The following PM20D1 variants were observed in gnomAD, a reference collection of about 807,000 sequenced individuals.
The protein encoded by PM20D1 is peptidase M20 domain containing 1.
In PM20D1, 53 loss-of-function variants were observed where a neutral mutation model predicts 53.8. The ratio of observed to expected loss-of-function variants is 0.98; its 90% CI spans 0.79 to 1.24. PM20D1 has a LOEUF of 1.24. Among genes scored for constraint, PM20D1 ranks in the 50% most tolerant of loss-of-function variants. The probability of loss-of-function intolerance (pLI) is 0.00; values close to 1 mark genes in which losing one functional copy is unlikely to be tolerated. For missense variants in PM20D1, 564 were observed against 616.8 expected (o/e 0.91, Z 0.91); for synonymous variants, 239 against 241.3 (o/e 0.99, Z 0.09).
chr1:205,842,772 T>C (rs769520646), intron 6 of PM20D1, 21 bp from the exon 7 acceptor site: 1 of 1,612,572 alleles, frequency 6.2e-7, no homozygotes, highest in Non-Finnish European at 8.5e-7. Context: ...AACAGAGTCC[T>C]CAAGACTTAG....
At chr1:205,846,563 G>A (rs1656990051) in intron 2 of PM20D1, among the ~76,000 whole-genome samples, 1 of 152,010 alleles carries the variant, frequency 6.6e-6, no homozygotes, top group Admixed American at 6.6e-5. Context: ...AAATTAGTAG[G>A]CCTCATTAAC....
At chr1:205,841,605 C>T (rs1656809655) in intron 9 of PM20D1, among the ~76,000 whole-genome samples, 1 of 152,076 alleles carries the variant, frequency 6.6e-6, no homozygotes. Flanking sequence ...TGAATGGTGC[C>T]CCCTGAAGTT....
chr1:205,843,704 C>T lies in PM20D1; in HGVS notation c.790G>A (p.Glu264Lys), dbSNP rs1322023329. The T allele has an allele frequency of 1.2e-6, 2 of 1,614,032 alleles. No individual in the cohort carries two copies. The highest frequency in any genetic ancestry group is 1.7e-5 in the Admixed American group (1 of 60,002). Residue 264 changes from glutamate (E) to lysine (K), a missense_variant, in exon 6 of 13, where the codon GAG becomes AAG. Physicochemically the swap from Glu to Lys is moderately conservative, Grantham distance 56. Transcript: ENST00000367136. Reference sequence around the variant, plus strand: ...GCTGCAAGGATGCCAATGCTTGTCTCCTTTGGAGGAGCTGAAGAGTGGCCT... The same window carrying T: ...GCTGCAAGGATGCCAATGCTTGTCTTCTTTGGAGGAGCTGAAGAGTGGCCT... ...TSGHSSAPPK[E>K]TSIGILAAAV...
intron 11 of PM20D1, among the ~76,000 whole-genome samples, chr1:205,832,253 A>G (rs1656577210): frequency 6.6e-6 from 1 of 152,134 alleles, no homozygotes; most frequent in African/African-American, 2.4e-5. Flanking sequence ...CTGAGCTGTT[A>G]TCCTAGAATG....
intron 10 of PM20D1, among the ~76,000 whole-genome samples, chr1:205,837,205 T>C (rs182305443): frequency 4.3e-4 from 65 of 152,336 alleles, no homozygotes; most frequent in South Asian, 1.2e-3. Flanking sequence ...TAGTCCACAG[T>C]AGCTACCAAT....
In PM20D1 at chr1:205,844,109, T is replaced by A. The variant is rs370448107; in HGVS notation, c.685A>T (p.Asn229Tyr). Residue 229 changes from asparagine (N) to tyrosine (Y), a missense_variant, in exon 5 of 13, where the codon AAC (asparagine) becomes TAC (tyrosine). By Grantham distance (143) the Asn-to-Tyr change is moderately radical. Transcript: ENST00000367136. ...GGFILDDFIP[N>Y]FKKPIALIAV... Reference sequence around the variant, plus strand: ...CACAAGGCGATGGGCTTCTTGAAGTTAGGAATGAAATCATCCAAGATGAAG... The same window carrying A: ...CACAAGGCGATGGGCTTCTTGAAGTAAGGAATGAAATCATCCAAGATGAAG... 7 of 1,613,146 alleles carry A rather than the reference T, an allele frequency of 4.3e-6. No individual in the cohort carries two copies. Among genetic ancestry groups the A allele is most frequent in the African/African-American group, 4.0e-5 (3 of 74,886 alleles).
At position 205,849,993 on chromosome 1, in the gene PM20D1, C is replaced by G. The variant is rs1657096248; in HGVS notation, c.80G>C (p.Gly27Ala). The change falls in exon 1 of 13, where the codon GGC (glycine) becomes GCC (alanine). Residue 27 changes from glycine to alanine, a missense_variant. Gly to Ala is a moderately conservative substitution (Grantham distance 60). Transcript: ENST00000367136. The stretch of plus-strand genomic sequence containing the variant: ...CCTTTGATGCTCCCCGCTCCTCGGG[C>G]CCATCGATCTGGAGACGGTAGGGAA... ...LVFPTVSRSM[G>A]PRSGEHQRAS... 1.2e-6 allele frequency: 2 copies of G among 1,614,038 alleles called. No individual in the cohort carries two copies. The highest frequency in any genetic ancestry group is 3.3e-5 in the Admixed American group (2 of 60,000).
intron 1 of PM20D1, 48 bp from the exon 2 acceptor site, chr1:205,848,019 G>C (rs781355350): frequency 3.8e-6 from 6 of 1,565,502 alleles, no homozygotes; most frequent in Middle Eastern, 1.7e-4. Flanking sequence ...ATTAGTCATT[G>C]TTTTTTTCTA....
chr1:205,832,678 G>A lies in PM20D1; in HGVS notation c.1205C>T (p.Ser402Phe), dbSNP rs757926550. 2 of 1,614,182 alleles carry A rather than the reference G, an allele frequency of 1.2e-6. No homozygotes were observed. The highest frequency in any genetic ancestry group is 1.7e-6 in the Non-Finnish European group (2 of 1,180,030). The change falls in exon 11 of 13, where the codon TCT (serine) becomes TTT (phenylalanine). Residue 402 changes from serine to phenylalanine, a missense_variant. Ser to Phe is a radical substitution (Grantham distance 155). Transcript: ENST00000367136. ...CTGGTAGCCCAAGGCCTTGTCATCA[G>A]AAGGGCTGACGGGGAGGGGGTCAAA... Reference protein sequence around the residue: ...SAFDPLPVSPSDDKALGYQLL... With the variant: ...SAFDPLPVSPFDDKALGYQLL...
At chr1:205,849,133 C>T (rs920200502) in intron 1 of PM20D1, among the ~76,000 whole-genome samples, 3 of 152,172 alleles carry the variant, frequency 2.0e-5, no homozygotes, top group African/African-American at 7.2e-5. Flanking sequence ...TATGTTTATG[C>T]AGGCAGTCTC....
intron 10 of PM20D1, among the ~76,000 whole-genome samples, chr1:205,838,390 A>G (rs1656731301): frequency 6.6e-6 from 1 of 152,226 alleles, no homozygotes; most frequent in Admixed American, 6.5e-5. Flanking sequence ...CAGCTTAAAC[A>G]TTACTGCCTT....
In PM20D1 at chr1:205,847,867, C is replaced by T; in HGVS notation, c.256+18G>A. ...GCTATTTCTACCACCCACCCCTTGC[C>T]CCTGATTTGCAGCTGACCTTTATGA... On this transcript the variant is annotated intron_variant, in intron 2 of 12. Coordinates refer to ENST00000367136, the MANE Select transcript of PM20D1 (RefSeq NM_152491.5). 6.9e-7 allele frequency: 1 copy of T among 1,454,714 alleles called. No homozygotes were observed. Among genetic ancestry groups the T allele is most frequent in the Non-Finnish European group, 9.6e-7 (1 of 1,036,462 alleles). 90.1% of individuals were successfully genotyped at this position (1,454,714 alleles called of 1,614,324 possible). A position where few individuals can be genotyped will look rare whatever the true frequency, so the allele number is the denominator to read the frequency against.
In PM20D1 at chr1:205,841,854, AT is replaced by A; in HGVS notation, c.1000del (p.Ile334SerfsTer41). ...MERNPLTNAI[I>X]RTTTALTIFK... ...TATGGTGAGTGCCGTGGTGGTCCTG[AT>A]TATTGCATTGGTTAAGGGATTTCTC... On this transcript the variant is annotated frameshift_variant, in exon 9 of 13. Transcript: ENST00000367136. LOFTEE classifies it high-confidence loss of function. The A allele has an allele frequency of 6.4e-7, 1 of 1,568,324 alleles. No individual in the cohort carries two copies. The highest frequency in any genetic ancestry group is 8.7e-7 in the Non-Finnish European group (1 of 1,153,878).
At position 205,828,400 on chromosome 1, in the gene PM20D1, G is replaced by A. The variant is rs1233077851; in HGVS notation, c.*220C>T. The A allele has an allele frequency of 2.0e-4, 105 of 527,954 alleles. 1 individual carries two copies. In the South Asian group the frequency reaches 2.5e-3, roughly 12 times the overall value. The allele number at this position is 527,954 out of a possible 1,614,324, so 32.7% of individuals were successfully genotyped here. On this transcript the variant is annotated 3_prime_UTR_variant, in exon 13 of 13. Transcript: ENST00000367136. ...GGACAAGAGGGCAGCAAATGCCAGTGGATCAAGGGATGCAGATGTCGGGAG... is the reference window on the plus strand; with the variant it reads ...GGACAAGAGGGCAGCAAATGCCAGTAGATCAAGGGATGCAGATGTCGGGAG...
intron 12 of PM20D1, among the ~76,000 whole-genome samples, chr1:205,829,004 A>G (rs1041109630): frequency 1.3e-5 from 2 of 152,036 alleles, no homozygotes; most frequent in Non-Finnish European, 2.9e-5. Flanking sequence ...CCTGCTCTGA[A>G]ATCCATTCAA....
At chr1:205,845,025 G>A in intron 3 of PM20D1, 128 bp from the exon 4 acceptor site, 1 of 790,260 alleles carries the variant, frequency 1.3e-6, no homozygotes, top group Non-Finnish European at 2.1e-6. Flanking sequence ...TCTCTTGAAA[G>A]AGAACAGATT....
intron 11 of PM20D1, 126 bp from the exon 12 acceptor site, chr1:205,830,505 C>T: frequency 3.0e-6 from 2 of 667,344 alleles, no homozygotes; most frequent in Non-Finnish European, 5.4e-6. Context: ...CTGGGCTCTC[C>T]TGAAAGCGTA....
chr1:205,847,449 C>A (rs1449596777), intron 2 of PM20D1, among the ~76,000 whole-genome samples: 9 of 111,962 alleles, frequency 8.0e-5, no homozygotes, highest in Non-Finnish European at 1.1e-4. Flanking sequence ...TTGTTGACTG[C>A]CTAGAGGCCT....
At chr1:205,848,031 A>C (rs1232946789) in intron 1 of PM20D1, 60 bp from the exon 2 acceptor site, 12 of 1,526,688 alleles carry the variant, frequency 7.9e-6, no homozygotes, top group Non-Finnish European at 1.1e-5. Context: ...TTTTTTCTAC[A>C]GTCCTCTGTG....
Sources: allele counts gnomAD v4.1 joint callset (sites outside exome capture counted in the v4.1 genomes callset), GRCh38; gene constraint gnomAD v4.1.1; transcripts MANE v1.5; gene names NCBI Gene and HGNC (gene_info 2026-07-23, HGNC 2026-07-21).